Variants in GXYLT2 observed in about 807,000 individuals in gnomAD.
The protein encoded by GXYLT2 is glycosyltransferase 8 domain containing 4.
A neutral mutation model predicts 45.8 loss-of-function variants in GXYLT2; 53 were observed. That is an observed-to-expected ratio of 1.16 (90% CI 0.93 to 1.46). The LOEUF is 1.46. Among genes scored for constraint, GXYLT2 ranks in the 40% most tolerant of loss-of-function variants. The pLI, the probability that GXYLT2 is intolerant of heterozygous loss-of-function variation, is 0.00. For missense variants in GXYLT2, 551 were observed against 544.4 expected (o/e 1.01, Z -0.12); for synonymous variants, 219 against 214.2 (o/e 1.02, Z -0.19).
intron 5 of GXYLT2, among the ~76,000 whole-genome samples, chr3:72,960,120 A>G (rs1411270796): frequency 1.3e-5 from 2 of 151,998 alleles, no homozygotes; most frequent in African/African-American, 2.4e-5. Context: ...TAATTTTTGT[A>G]ATTTTTGTAT....
intron 1 of GXYLT2, among the ~76,000 whole-genome samples, chr3:72,898,035 A>C (rs1218264035): frequency 6.6e-6 from 1 of 152,206 alleles, no homozygotes; most frequent in Non-Finnish European, 1.5e-5. Flanking sequence ...ATAACTCTGG[A>C]AGACAGTATA....
chr3:72,960,312 C>G (rs2107147613), intron 5 of GXYLT2, among the ~76,000 whole-genome samples: 1 of 152,286 alleles, frequency 6.6e-6, no homozygotes, highest in African/African-American at 2.4e-5. Flanking sequence ...TTGAGGAATC[C>G]AAAAGATTCA....
chr3:72,963,669 A>ATTT (rs34028884), intron 5 of GXYLT2, among the ~76,000 whole-genome samples: 5,999 of 123,330 alleles, frequency 0.049, 283 homozygotes, highest in Non-Finnish European at 0.068. Flanking sequence ...TGCCTAGCTA[A>ATTT]TTTTTTTTTT....
intron 1 of GXYLT2, among the ~76,000 whole-genome samples, chr3:72,891,293 G>A (rs998573999): frequency 6.6e-6 from 1 of 152,172 alleles, no homozygotes; most frequent in Non-Finnish European, 1.5e-5. Flanking sequence ...TCCACCACCT[G>A]CTTACCATCC....
intron 1 of GXYLT2, among the ~76,000 whole-genome samples, chr3:72,892,949 C>T (rs114399336): frequency 0.012 from 1,891 of 152,266 alleles, 42 homozygotes; most frequent in African/African-American, 0.042. Context: ...TCCCCAGTTC[C>T]ACCATTTCCA....
At chr3:72,943,915 C>G (rs1710349929) in intron 3 of GXYLT2, among the ~76,000 whole-genome samples, 1 of 151,658 alleles carries the variant, frequency 6.6e-6, no homozygotes, top group East Asian at 1.9e-4. Flanking sequence ...AACTCCTGGG[C>G]TCAAGCTGTC....
intron 6 of GXYLT2, among the ~76,000 whole-genome samples, chr3:72,972,307 G>A (rs1711000154): frequency 6.6e-6 from 1 of 152,050 alleles, no homozygotes; most frequent in Non-Finnish European, 1.5e-5. Context: ...TAGTTTCTAG[G>A]AATTTGGAAG....
chr3:72,930,190 G>A (rs901113587), intron 3 of GXYLT2, among the ~76,000 whole-genome samples: 4 of 150,426 alleles, frequency 2.7e-5, no homozygotes, highest in African/African-American at 9.7e-5. Context: ...AAAAAACAGA[G>A]TTGCAGTTAT....
chr3:72,953,328 C>T (rs558756266), intron 3 of GXYLT2, among the ~76,000 whole-genome samples: 1 of 152,172 alleles, frequency 6.6e-6, no homozygotes, highest in East Asian at 1.9e-4. Context: ...GAGTCTCTGT[C>T]GCACAGGCTG....
intron 3 of GXYLT2, among the ~76,000 whole-genome samples, chr3:72,936,625 G>T (rs1286334759): frequency 1.3e-5 from 2 of 151,860 alleles, no homozygotes; most frequent in African/African-American, 4.8e-5. Flanking sequence ...GGGTGACAGA[G>T]TGAGACTCCA....
At chr3:72,890,387 C>G (rs779571673) in intron 1 of GXYLT2, among the ~76,000 whole-genome samples, 13 of 152,234 alleles carry the variant, frequency 8.5e-5, no homozygotes, top group Admixed American at 6.5e-5. Context: ...CATTGTTTCT[C>G]ATGCACAACA....
chr3:72,959,457 C>T (rs1157161871), intron 5 of GXYLT2, among the ~76,000 whole-genome samples: 1 of 151,534 alleles, frequency 6.6e-6, no homozygotes, highest in Non-Finnish European at 1.5e-5. Flanking sequence ...GGGGCAGTCT[C>T]ATTATGTTGC....
chr3:72,924,464 A>G (rs1388154974), intron 3 of GXYLT2, among the ~76,000 whole-genome samples: 1 of 152,088 alleles, frequency 6.6e-6, no homozygotes, highest in Non-Finnish European at 1.5e-5. Flanking sequence ...TTGACCTCCC[A>G]CAGTGCTGGA....
rs1575768967 is a variant in GXYLT2 at position 72,888,168 on chromosome 3, T to C, written c.-66T>C. ...CCGCCGCGCGCTGCTGCACTCATCC[T>C]GCCGCCGCCGCGATGCGCAGAGGGG... On this transcript the variant is annotated 5_prime_UTR_variant, in exon 1 of 7. Coordinates refer to ENST00000389617, the MANE Select transcript of GXYLT2 (RefSeq NM_001080393.2). 2.1e-6 allele frequency: 2 copies of C among 972,892 alleles called. No homozygotes were observed. The highest frequency in any genetic ancestry group is 3.6e-5 in the African/African-American group (2 of 56,160). The allele number at this position is 972,892 out of a possible 1,614,324, so 60.3% of individuals were successfully genotyped here.
At chr3:72,930,693 AG>A (rs1266669663) in intron 3 of GXYLT2, among the ~76,000 whole-genome samples, 8 of 145,650 alleles carry the variant, frequency 5.5e-5, no homozygotes, top group African/African-American at 2.6e-5. Context: ...TCCCAGGCTC[AG>A]GTGATCCTCC....
At chr3:72,942,269 A>G (rs1326645470) in intron 3 of GXYLT2, among the ~76,000 whole-genome samples, 1 of 152,106 alleles carries the variant, frequency 6.6e-6, no homozygotes, top group Non-Finnish European at 1.5e-5. Flanking sequence ...CTGAATTAAA[A>G]AAATAAATAC....
chr3:72,969,918 AAAAC>A (rs1426653351), intron 6 of GXYLT2, among the ~76,000 whole-genome samples: 17 of 150,136 alleles, frequency 1.1e-4, no homozygotes, highest in African/African-American at 3.7e-4. Flanking sequence ...TGAAAAAAAA[AAAAC>A]AAAAACATTT....
intron 1 of GXYLT2, among the ~76,000 whole-genome samples, chr3:72,904,781 C>T (rs1255760760): frequency 2.0e-5 from 3 of 151,338 alleles, no homozygotes; most frequent in African/African-American, 7.3e-5. Context: ...TGGCTCACCC[C>T]TGTAATCCCA....
At chr3:72,955,456 T>C (rs1710622742) in intron 4 of GXYLT2, 107 bp downstream of exon 4, 2 of 956,584 alleles carry the variant, frequency 2.1e-6, no homozygotes, top group Non-Finnish European at 3.1e-6. Context: ...GGGTGGCCTA[T>C]AGGTGAGGAT....
Sources: gnomAD v4.1 joint callset for allele counts (sites outside exome capture counted in the v4.1 genomes callset) on GRCh38, gnomAD v4.1.1 for gene constraint, MANE v1.5 for transcripts, NCBI Gene and HGNC (gene_info 2026-07-23, HGNC 2026-07-21) for gene names.